The following DNAJB8 variants were observed in gnomAD, a reference collection of about 807,000 sequenced individuals.
DNAJB8 encodes dnaJ homolog subfamily B member 8.
For missense variants in DNAJB8, 354 were observed against 318.9 expected, an observed-to-expected ratio of 1.11 and a Z score of -0.84; for synonymous variants, 127 against 127.1, an observed-to-expected ratio of 1.00 and a Z score of 0.00.
rs1462158512 is a variant in DNAJB8, at chr3:128,466,620, C to T, written c.-1033G>A. The T allele has an allele frequency of 2.0e-5, 3 of 152,292 alleles. No individual in the cohort carries two copies. The highest frequency in any genetic ancestry group is 4.4e-5 in the Non-Finnish European group (3 of 68,058). The allele number at this position is 152,292 out of a possible 1,614,324, so 9.4% of individuals were successfully genotyped here. A position where few individuals can be genotyped will look rare whatever the true frequency, so the allele number is the denominator to read the frequency against. ...AACTTGGCATTACACCAACCTCTTCCATGGTCTCCTTGCATCCTGGAGAAA... is the reference window on the plus strand; with the variant it reads ...AACTTGGCATTACACCAACCTCTTCTATGGTCTCCTTGCATCCTGGAGAAA... On this transcript the variant is annotated 5_prime_UTR_variant, in exon 1 of 3. An upstream start codon of the reference 5' UTR is lost. Coordinates refer to ENST00000319153, the MANE Select transcript of DNAJB8 (RefSeq NM_153330.6).
chr3:128,466,710 G>A lies in DNAJB8; in HGVS notation c.-1123C>T, dbSNP rs73203412. 0.14 allele frequency: 21,606 copies of A among 152,250 alleles called. 2,094 individuals are homozygous for A. Among genetic ancestry groups the A allele is most frequent in the Non-Finnish European group, 0.2 (13,324 of 68,020 alleles). The allele number at this position is 152,250 out of a possible 1,614,324, so 9.4% of individuals were successfully genotyped here. A position where few individuals can be genotyped will look rare whatever the true frequency, so the allele number is the denominator to read the frequency against. On this transcript the variant is annotated 5_prime_UTR_variant, in exon 1 of 3. Transcript: ENST00000319153. ...CAGACTAGAGCCTGCCAATACAAGG[G>A]ATTTGGAGAGTGGAAAAGAGAGGCC...
Position 128,463,373 on chromosome 3 carries a change from C to G in DNAJB8, c.-128G>C, listed in dbSNP as rs2068485429. On this transcript the variant is annotated 5_prime_UTR_variant, in exon 3 of 3. Coordinates refer to ENST00000319153, the MANE Select transcript of DNAJB8 (RefSeq NM_153330.6). ...CCTTCAGCAGGGGCCTGGCTGGACT[C>G]CGCAAGCTCTAGGCAAGATTCTGCC... 7 of 774,710 alleles carry G rather than the reference C, an allele frequency of 9.0e-6. No homozygotes were observed. Among genetic ancestry groups the G allele is most frequent in the Non-Finnish European group, 1.5e-5 (7 of 476,094 alleles). 48.0% of individuals were successfully genotyped at this position (774,710 alleles called of 1,614,324 possible). A position where few individuals can be genotyped will look rare whatever the true frequency, so the allele number is the denominator to read the frequency against.
chr3:128,463,691 G>A lies in DNAJB8; in HGVS notation c.-446C>T, dbSNP rs1024848326. 3 of 170,972 alleles carry A rather than the reference G, an allele frequency of 1.8e-5. No homozygotes were observed. The South Asian group carries it at 6.0e-4, about 34-fold the overall frequency. 10.6% of individuals were successfully genotyped at this position (170,972 alleles called of 1,614,324 possible). A position where few individuals can be genotyped will look rare whatever the true frequency, so the allele number is the denominator to read the frequency against. ...TGTGGGCTGAGTCCCGGGAGCCAAA[G>A]GGCAGAGGCAGGATCAGCCACGGGA... On this transcript the variant is annotated 5_prime_UTR_variant, in exon 3 of 3. Transcript: ENST00000319153.
intron 1 of DNAJB8, chr3:128,465,648 A>G (rs1212036342): frequency 1.3e-5 from 2 of 152,428 alleles, no homozygotes; most frequent in African/African-American, 4.8e-5. Flanking sequence ...GAGAGTAATT[A>G]TGGGTGATGG....
chr3:128,463,111 C>A lies in DNAJB8; in HGVS notation c.135G>T (p.Lys45Asn). ...NPDNKEEAEK[K>N]FKLVSEAYEV... Reference sequence around the variant, plus strand: ...CATAGGCCTCAGACACCAGCTTGAACTTCTTCTCCGCCTCCTCCTTATTGT... The same window carrying A: ...CATAGGCCTCAGACACCAGCTTGAAATTCTTCTCCGCCTCCTCCTTATTGT... Residue 45 changes from lysine (K) to asparagine (N), a missense_variant, in exon 3 of 3, where the codon AAG (lysine) becomes AAT (asparagine). Physicochemically the swap from Lys to Asn is moderately conservative, Grantham distance 94. Transcript: ENST00000319153. 1 of 1,614,244 alleles carries A rather than the reference C, an allele frequency of 6.2e-7. No homozygotes were observed. Among genetic ancestry groups the A allele is most frequent in the Non-Finnish European group, 8.5e-7 (1 of 1,180,040 alleles).
rs1453622940 is a variant in DNAJB8 at position 128,463,334 on chromosome 3, C to T, written c.-89G>A. 5.5e-6 allele frequency: 7 copies of T among 1,271,470 alleles called. No homozygotes were observed. The highest frequency in any genetic ancestry group is 1.5e-5 in the African/African-American group (1 of 66,820). 78.8% of individuals were successfully genotyped at this position (1,271,470 alleles called of 1,614,324 possible). A position where few individuals can be genotyped will look rare whatever the true frequency, so the allele number is the denominator to read the frequency against. On this transcript the variant is annotated 5_prime_UTR_variant, in exon 3 of 3. Transcript: ENST00000319153. The stretch of plus-strand genomic sequence containing the variant: ...GTCAGATGGACGGGGGAGAAGTGGC[C>T]GGTGGTCTGGGGCCCTTCAGCAGGG...
At chr3:128,464,876 CTCCTTCCT>C (rs377744352) in intron 2 of DNAJB8, among the ~76,000 whole-genome samples, 3 of 133,790 alleles carry the variant, frequency 2.2e-5, no homozygotes, top group African/African-American at 2.8e-5. Flanking sequence ...CCTTCATTTC[CTCCTTCCT>C]TCCTTCCTTC....
intron 1 of DNAJB8, chr3:128,465,816 G>A (rs2068508812): frequency 6.6e-6 from 1 of 152,476 alleles, no homozygotes; most frequent in Non-Finnish European, 1.5e-5. Flanking sequence ...CAGGTATGAT[G>A]AGGAGGTGAT....
In DNAJB8 at chr3:128,463,382, CT is replaced by C; in HGVS notation, c.-138del. On this transcript the variant is annotated 5_prime_UTR_variant, in exon 3 of 3. Transcript: ENST00000319153. ...GGGGCCTGGCTGGACTCCGCAAGCT[CT>C]AGGCAAGATTCTGCCCAGGAGTTCA... The C allele has an allele frequency of 1.4e-6, 1 of 724,040 alleles. No individual in the cohort carries two copies. Among genetic ancestry groups the C allele is most frequent in the Non-Finnish European group, 2.3e-6 (1 of 434,244 alleles). 44.9% of individuals were successfully genotyped at this position (724,040 alleles called of 1,614,324 possible). A position where few individuals can be genotyped will look rare whatever the true frequency, so the allele number is the denominator to read the frequency against.
At chr3:128,466,501 G>A (rs2068514497) in intron 1 of DNAJB8, 113 bp downstream of exon 1, 1 of 152,696 alleles carries the variant, frequency 6.5e-6, no homozygotes, top group African/African-American at 2.4e-5. Flanking sequence ...GGGGTGCCGA[G>A]GGGTGAGAAG....
chr3:128,462,906 A>G lies in DNAJB8; in HGVS notation c.340T>C (p.Phe114Leu). Residue 114 changes from phenylalanine to leucine, a missense_variant, in exon 3 of 3, where the codon TTC (phenylalanine) becomes CTC (leucine). Phe to Leu is a conservative substitution (Grantham distance 22). Transcript: ENST00000319153. ...FGGLDPFSFE[F>L]WDSPFNSDRG... The stretch of plus-strand genomic sequence containing the variant: ...TCACTATTGAATGGGCTGTCCCAGA[A>G]CTCAAAGGAGAAAGGGTCCAGGCCA... The G allele has an allele frequency of 6.2e-7, 1 of 1,613,982 alleles. No individual in the cohort carries two copies. Among genetic ancestry groups the G allele is most frequent in the Non-Finnish European group, 8.5e-7 (1 of 1,179,932 alleles).
rs1278517022 is a variant in DNAJB8, at chr3:128,463,879, T to G, written c.-634A>C. The G allele has an allele frequency of 6.0e-6, 1 of 167,294 alleles. No individual in the cohort carries two copies. The highest frequency in any genetic ancestry group is 2.4e-5 in the African/African-American group (1 of 41,458). 10.4% of individuals were successfully genotyped at this position (167,294 alleles called of 1,614,324 possible). On this transcript the variant is annotated 5_prime_UTR_variant, in exon 3 of 3. Coordinates refer to ENST00000319153, the MANE Select transcript of DNAJB8 (RefSeq NM_153330.6). Reference sequence around the variant, plus strand: ...GGGTGGGGACAAGAGCCTGCTTTTTTTGTGCCCATTATCTGGCCAGGTCTT... The same window carrying G: ...GGGTGGGGACAAGAGCCTGCTTTTTGTGTGCCCATTATCTGGCCAGGTCTT...
At position 128,462,734 on chromosome 3, in the gene DNAJB8, C is replaced by T. The variant is rs748553089; in HGVS notation, c.512G>A (p.Gly171Asp). 10 of 1,614,034 alleles carry T rather than the reference C, an allele frequency of 6.2e-6. No homozygotes were observed. The highest frequency in any genetic ancestry group is 7.6e-6 in the Non-Finnish European group (9 of 1,180,014). Residue 171 changes from glycine (G) to aspartate (D), a missense_variant, in exon 3 of 3, where the codon GGC becomes GAC. By Grantham distance (94) the Gly-to-Asp change is moderately conservative. Coordinates refer to ENST00000319153, the MANE Select transcript of DNAJB8 (RefSeq NM_153330.6). ...GAACCCCGAGCTGCCAGAACTGGAG[C>T]CCCCGAAGGAGGTGGATGAGAAGGT... ...HTTFSSTSFG[G>D]SSSGSSGFKS...
In DNAJB8 at chr3:128,462,440, A is replaced by G. The variant is rs2068472136; in HGVS notation, c.*107T>C. 2 of 1,241,864 alleles carry G rather than the reference A, an allele frequency of 1.6e-6. No individual in the cohort carries two copies. The highest frequency in any genetic ancestry group is 2.2e-6 in the Non-Finnish European group (2 of 892,124). 76.9% of individuals were successfully genotyped at this position (1,241,864 alleles called of 1,614,324 possible). A position where few individuals can be genotyped will look rare whatever the true frequency, so the allele number is the denominator to read the frequency against. On this transcript the variant is annotated 3_prime_UTR_variant, in exon 3 of 3. Transcript: ENST00000319153. Reference sequence around the variant, plus strand: ...CAAAGCTGAGAAAGCTATGCCATGAACTCACTTGGCACATTTATTAACCAT... The same window carrying G: ...CAAAGCTGAGAAAGCTATGCCATGAGCTCACTTGGCACATTTATTAACCAT...
Position 128,463,548 on chromosome 3 carries a change from G to A in DNAJB8, c.-303C>T, listed in dbSNP as rs1349223750. 1.9e-5 allele frequency: 5 copies of A among 257,854 alleles called. No individual in the cohort carries two copies. Among genetic ancestry groups the A allele is most frequent in the Non-Finnish European group, 4.0e-5 (5 of 126,262 alleles). 16.0% of individuals were successfully genotyped at this position (257,854 alleles called of 1,614,324 possible). On this transcript the variant is annotated 5_prime_UTR_variant, in exon 3 of 3. Transcript: ENST00000319153. The stretch of plus-strand genomic sequence containing the variant: ...TCCTTTTATGACGTCAGCTCCCGGG[G>A]CGGGGCATACCCCCGCCCCCAGCTC...
rs1181882631 is a variant in DNAJB8 at position 128,465,275 on chromosome 3, CCT to C, written c.-867_-866del. On this transcript the variant is annotated splice_region_variant and 5_prime_UTR_variant, in exon 2 of 3. Coordinates refer to ENST00000319153, the MANE Select transcript of DNAJB8 (RefSeq NM_153330.6). ...CACCCCCATGCTGGGCATCCACCCA[CCT>C]ACACCTGCTGACACATGTGGCTTAG... is the stretch of plus-strand genomic sequence containing the variant. 6.6e-6 allele frequency: 1 copy of C among 152,264 alleles called. No individual in the cohort carries two copies. The highest frequency in any genetic ancestry group is 1.5e-5 in the Non-Finnish European group (1 of 68,056). The allele number at this position is 152,264 out of a possible 1,614,324, so 9.4% of individuals were successfully genotyped here. A position where few individuals can be genotyped will look rare whatever the true frequency, so the allele number is the denominator to read the frequency against.
In DNAJB8 at chr3:128,462,888, T is replaced by C. The variant is rs770510421; in HGVS notation, c.358A>G (p.Asn120Asp). The C allele has an allele frequency of 1.9e-6, 3 of 1,614,044 alleles. No individual in the cohort carries two copies. The highest frequency in any genetic ancestry group is 2.7e-5 in the African/African-American group (2 of 74,896). ...FSFEFWDSPF[N>D]SDRGGRGHGL... The stretch of plus-strand genomic sequence containing the variant: ...TGGCCCCGGCCACCACGGTCACTAT[T>C]GAATGGGCTGTCCCAGAACTCAAAG... The change falls in exon 3 of 3, where the codon AAT becomes GAT. Residue 120 changes from asparagine (N) to aspartate (D), a missense_variant. By Grantham distance (23) the Asn-to-Asp change is conservative. Transcript: ENST00000319153.
At position 128,463,202 on chromosome 3, in the gene DNAJB8, G is replaced by A. The variant is rs768892855; in HGVS notation, c.44C>T (p.Ser15Phe). 1.2e-6 allele frequency: 2 copies of A among 1,614,162 alleles called. No homozygotes were observed. Among genetic ancestry groups the A allele is most frequent in the South Asian group, 2.2e-5 (2 of 91,076 alleles). The change falls in exon 3 of 3, where the codon TCC (serine) becomes TTC (phenylalanine). Residue 15 changes from serine (S) to phenylalanine (F), a missense_variant. Ser to Phe is a radical substitution (Grantham distance 155). Coordinates refer to ENST00000319153, the MANE Select transcript of DNAJB8 (RefSeq NM_153330.6). Reference protein sequence around the residue: ...YEVLGVQASASPEDIKKAYRK... With the variant: ...YEVLGVQASAFPEDIKKAYRK... Reference sequence around the variant, plus strand: ...GTAGGCTTTCTTGATGTCCTCCGGGGAAGCGCTGGCCTGCACGCCCAGCAC... The same window carrying A: ...GTAGGCTTTCTTGATGTCCTCCGGGAAAGCGCTGGCCTGCACGCCCAGCAC...
In DNAJB8 at chr3:128,463,671, G is replaced by T. The variant is rs1161485042; in HGVS notation, c.-426C>A. The T allele has an allele frequency of 5.8e-6, 1 of 172,864 alleles. No individual in the cohort carries two copies. The highest frequency in any genetic ancestry group is 6.1e-5 in the Admixed American group (1 of 16,326). 10.7% of individuals were successfully genotyped at this position (172,864 alleles called of 1,614,324 possible). A position where few individuals can be genotyped will look rare whatever the true frequency, so the allele number is the denominator to read the frequency against. On this transcript the variant is annotated 5_prime_UTR_variant, in exon 3 of 3. Transcript: ENST00000319153. ...ATGCTCTGTGACCCAGGTGGTGTGG[G>T]CTGAGTCCCGGGAGCCAAAGGGCAG... is the stretch of plus-strand genomic sequence containing the variant.
Sources: gnomAD v4.1 joint callset for allele counts (sites outside exome capture counted in the v4.1 genomes callset) on GRCh38, gnomAD v4.1.1 for gene constraint, MANE v1.5 for transcripts, NCBI Gene and HGNC (gene_info 2026-07-23, HGNC 2026-07-21) for gene names.